Variants in CCDC148 observed in about 807,000 individuals in gnomAD.
CCDC148 encodes the protein coiled-coil domain containing 148.
In CCDC148, 89 loss-of-function variants were observed where a neutral mutation model predicts 85.7. The ratio of observed to expected loss-of-function variants is 1.04; its 90% CI spans 0.87 to 1.24. CCDC148 has a LOEUF of 1.24. CCDC148 is among the 50% of genes most tolerant of loss of function. The pLI, the probability that CCDC148 is intolerant of heterozygous loss-of-function variation, is 0.00. For synonymous variants in CCDC148, 230 were observed against 213.9 expected, an observed-to-expected ratio of 1.08 and a Z score of -0.66; for missense variants, 692 against 671.7, an observed-to-expected ratio of 1.03 and a Z score of -0.33.
intron 1 of CCDC148, among the ~76,000 whole-genome samples, chr2:158,377,281 G>T (rs1040500246): frequency 3.2e-4 from 48 of 149,800 alleles, no homozygotes; most frequent in Admixed American, 2.0e-3. Context: ...TCGATGGTGT[G>T]GGGGGGGTGG....
chr2:158,245,235 G>A (rs1462284426), intron 10 of CCDC148, among the ~76,000 whole-genome samples: 1 of 152,140 alleles, frequency 6.6e-6, no homozygotes, highest in Non-Finnish European at 1.5e-5. Flanking sequence ...TTCTCTGCAG[G>A]AAACATGTAA....
intron 7 of CCDC148, among the ~76,000 whole-genome samples, chr2:158,333,368 T>C (rs1200727974): frequency 6.6e-6 from 1 of 152,250 alleles, no homozygotes; most frequent in Non-Finnish European, 1.5e-5. Flanking sequence ...TTGATTGCAC[T>C]GTGGTCTGAG....
chr2:158,337,272 G>A (rs959639442), intron 7 of CCDC148, among the ~76,000 whole-genome samples: 1 of 152,124 alleles, frequency 6.6e-6, no homozygotes, highest in African/African-American at 2.4e-5. Flanking sequence ...ATCTGGGAGA[G>A]GAGGTACTGG....
chr2:158,313,734 T>A, intron 8 of CCDC148, 22 bp downstream of exon 8: 1 of 1,592,158 alleles, frequency 6.3e-7, no homozygotes, highest in Non-Finnish European at 8.6e-7. Context: ...CTTGCCAGTA[T>A]GTAGGTAGGT....
intron 2 of CCDC148, 73 bp downstream of exon 2, chr2:158,358,376 T>C (rs754845483): frequency 3.5e-5 from 53 of 1,517,104 alleles, no homozygotes; most frequent in African/African-American, 1.1e-4. Flanking sequence ...TATTTTCACA[T>C]TGACAATGTA....
intron 10 of CCDC148, among the ~76,000 whole-genome samples, chr2:158,243,613 A>G (rs893472729): frequency 1.3e-5 from 2 of 152,136 alleles, no homozygotes; most frequent in African/African-American, 4.8e-5. Context: ...CATGAGAAGC[A>G]CCGTTGATCT....
intron 11 of CCDC148, among the ~76,000 whole-genome samples, chr2:158,182,971 T>C (rs1486545583): frequency 6.6e-6 from 1 of 152,156 alleles, no homozygotes; most frequent in African/African-American, 2.4e-5. Flanking sequence ...CAAATTAAAC[T>C]GTTGCTATGA....
intron 7 of CCDC148, among the ~76,000 whole-genome samples, chr2:158,333,271 G>C (rs1693243355): frequency 6.6e-6 from 1 of 152,068 alleles, no homozygotes; most frequent in Non-Finnish European, 1.5e-5. Flanking sequence ...CCTTGATTTT[G>C]TTATTTACCC....
chr2:158,396,009 A>AATTCCATCC (rs1685506354), intron 1 of CCDC148, among the ~76,000 whole-genome samples: 1 of 152,130 alleles, frequency 6.6e-6, no homozygotes, highest in Non-Finnish European at 1.5e-5. Context: ...TGGAATGGCT[A>AATTCCATCC]AGGACAGTCC....
In CCDC148 at chr2:158,180,394, G is replaced by A. The variant is rs181242089; in HGVS notation, c.1371-1398C>T. Among the ~76,000 whole-genome samples, 10 of 152,228 alleles carry A rather than the reference G, an allele frequency of 6.6e-5. No homozygotes were observed. In the East Asian group the frequency reaches 1.4e-3, roughly 21 times the overall value. ...GCATAGACATGTGATCTTAAGAGAC[G>A]TACAAATAAGAGCCACTGAGAATTT... On this transcript the variant is annotated intron_variant, in intron 11 of 13. Transcript: ENST00000283233.
At chr2:158,423,963 A>G (rs146528472) in intron 1 of CCDC148, among the ~76,000 whole-genome samples, 4,982 of 152,348 alleles carry the variant, frequency 0.033, 123 homozygotes, top group African/African-American at 0.063. Flanking sequence ...AGACCATGAA[A>G]AAATGCTCAT....
chr2:158,278,794 A>C (rs1054110949), intron 9 of CCDC148, among the ~76,000 whole-genome samples: 59 of 152,338 alleles, frequency 3.9e-4, no homozygotes, highest in African/African-American at 1.4e-3. Context: ...CAGCACGCGG[A>C]TGGAGATCTG....
intron 1 of CCDC148, among the ~76,000 whole-genome samples, chr2:158,360,205 C>T (rs982856922): frequency 2.6e-5 from 4 of 152,202 alleles, no homozygotes; most frequent in African/African-American, 9.6e-5. Context: ...ACTCCCATCA[C>T]CCTGGGACAG....
chr2:158,329,166 T>C (rs971705390), intron 7 of CCDC148, among the ~76,000 whole-genome samples: 2 of 152,266 alleles, frequency 1.3e-5, no homozygotes, highest in African/African-American at 4.8e-5. Flanking sequence ...TTTAAGTCTT[T>C]AAGCCATCTT....
chr2:158,302,431 G>A (rs987519198), intron 9 of CCDC148, among the ~76,000 whole-genome samples: 3 of 152,046 alleles, frequency 2.0e-5, no homozygotes, highest in Non-Finnish European at 4.4e-5. Flanking sequence ...TCCAGATGAA[G>A]TTAACTCTTC....
chr2:158,315,531 A>T (rs368661445), intron 7 of CCDC148, among the ~76,000 whole-genome samples: 2 of 152,136 alleles, frequency 1.3e-5, no homozygotes, highest in South Asian at 2.1e-4. Flanking sequence ...ATAAATGTGG[A>T]TGTATGGGTA....
chr2:158,417,675 C>G (rs1255970528), intron 1 of CCDC148, among the ~76,000 whole-genome samples: 1 of 152,202 alleles, frequency 6.6e-6, no homozygotes, highest in East Asian at 1.9e-4. Flanking sequence ...CCTCCTCCCT[C>G]TCCTTTACCG....
At chr2:158,354,014 G>A (rs1296841822) in intron 2 of CCDC148, among the ~76,000 whole-genome samples, 2 of 152,134 alleles carry the variant, frequency 1.3e-5, no homozygotes, top group Non-Finnish European at 2.9e-5. Flanking sequence ...AAATAAAGAT[G>A]TTCTTTGAAA....
At chr2:158,318,201 C>T (rs1692365962) in intron 7 of CCDC148, among the ~76,000 whole-genome samples, 1 of 152,172 alleles carries the variant, frequency 6.6e-6, no homozygotes, top group South Asian at 2.1e-4. Context: ...TTATAGGAGG[C>T]TCCCTGCTCC....
Sources: allele counts gnomAD v4.1 joint callset (sites outside exome capture counted in the v4.1 genomes callset), GRCh38; gene constraint gnomAD v4.1.1; transcripts MANE v1.5; gene names NCBI Gene and HGNC (gene_info 2026-07-23, HGNC 2026-07-21).